CELF4: variants seen among roughly 807,000 people sequenced by gnomAD.
The protein encoded by CELF4 is CUG-BP- and ETR-3-like factor 4.
Under a neutral mutation model 59.9 loss-of-function variants are expected in CELF4, and 18 were observed. That is an observed-to-expected ratio of 0.30 (90% CI 0.21 to 0.45). The LOEUF (loss-of-function observed/expected upper bound fraction) is 0.45. Among genes scored for constraint, CELF4 ranks in the 20% least tolerant of loss-of-function variants. The pLI, the probability that CELF4 is intolerant of heterozygous loss-of-function variation, is 1.00. For synonymous variants in CELF4, 261 were observed against 267.1 expected, an observed-to-expected ratio of 0.98 and a Z score of 0.22; for missense variants, 456 against 689.0, an observed-to-expected ratio of 0.66 and a Z score of 3.79.
chr18:37,471,971 G>A (rs1336422273), intron 2 of CELF4, among the ~76,000 whole-genome samples: 2 of 152,214 alleles, frequency 1.3e-5, no homozygotes, highest in East Asian at 3.9e-4. Context: ...TAATCCATGA[G>A]GGTGTCCAGG....
intron 2 of CELF4, among the ~76,000 whole-genome samples, chr18:37,335,896 C>A (rs1169224437): frequency 6.6e-6 from 1 of 152,216 alleles, no homozygotes; most frequent in Non-Finnish European, 1.5e-5. Flanking sequence ...AGGCCTGACA[C>A]CCGCAGCCTG....
chr18:37,468,830 AACTC>A (rs2099814767), intron 2 of CELF4, among the ~76,000 whole-genome samples: 1 of 152,092 alleles, frequency 6.6e-6, no homozygotes, highest in African/African-American at 2.4e-5. Flanking sequence ...ATCTTGTGAG[AACTC>A]ACTCACTATC....
At chr18:37,532,283 A>G (rs1169232154) in intron 1 of CELF4, among the ~76,000 whole-genome samples, 3 of 152,224 alleles carry the variant, frequency 2.0e-5, no homozygotes, top group Admixed American at 2.0e-4. Context: ...TCTTCTGAAC[A>G]TCCCGGCACT....
intron 2 of CELF4, among the ~76,000 whole-genome samples, chr18:37,446,860 T>A (rs1298024582): frequency 1.3e-5 from 2 of 152,120 alleles, no homozygotes; most frequent in African/African-American, 2.4e-5. Flanking sequence ...TACTGGTCAT[T>A]TTCTGTGTGC....
At chr18:37,419,666 G>A (rs768029790) in intron 2 of CELF4, among the ~76,000 whole-genome samples, 11 of 152,210 alleles carry the variant, frequency 7.2e-5, no homozygotes, top group Non-Finnish European at 1.2e-4. Flanking sequence ...CTGAGAGGGT[G>A]GAGAGAGCTT....
intron 1 of CELF4, among the ~76,000 whole-genome samples, chr18:37,547,160 G>GTGTGTGTGT (rs61235122): frequency 2.8e-5 from 4 of 144,170 alleles, no homozygotes; most frequent in African/African-American, 1.0e-4. Flanking sequence ...GTGTGTGTGT[G>GTGTGTGTGT]GTGTGTGTGT....
chr18:37,483,889 A>G (rs1413372952), intron 2 of CELF4, among the ~76,000 whole-genome samples: 1 of 152,220 alleles, frequency 6.6e-6, no homozygotes, highest in Non-Finnish European at 1.5e-5. Context: ...TTATTAAAGA[A>G]CTAATACACT....
At chr18:37,518,525 A>G (rs2099953522) in intron 1 of CELF4, among the ~76,000 whole-genome samples, 1 of 152,048 alleles carries the variant, frequency 6.6e-6, no homozygotes, top group Admixed American at 6.6e-5. Flanking sequence ...GGCAAGGGGG[A>G]ACAGAGAATC....
Position 37,266,546 on chromosome 18 carries a change from C to T in CELF4, c.1152G>A (p.Gln384=). The T allele has an allele frequency of 6.3e-7, 1 of 1,595,684 alleles. No individual in the cohort carries two copies. The highest frequency in any genetic ancestry group is 8.5e-7 in the Non-Finnish European group (1 of 1,172,634). Residue 384 remains glutamine (Q), a synonymous_variant, in exon 9 of 13, where the codon CAG becomes CAA. Transcript: ENST00000420428. Reference sequence around the variant, plus strand: ...GTGGATACTAACGACCTGCATACTGCTGCACTCCGGCGTAGGCCTGCTGCA... The same window carrying T: ...GTGGATACTAACGACCTGCATACTGTTGCACTCCGGCGTAGGCCTGCTGCA... ...DPLQQAYAGV[Q]QYAGPAAYPA...
At chr18:37,277,477 G>T (rs1015766579) in intron 3 of CELF4, among the ~76,000 whole-genome samples, 2 of 152,226 alleles carry the variant, frequency 1.3e-5, no homozygotes, top group Admixed American at 6.5e-5. Context: ...GAGAGAGGGA[G>T]GGTGGAAGAG....
chr18:37,334,429 C>T (rs897386742), intron 2 of CELF4, among the ~76,000 whole-genome samples: 2 of 152,168 alleles, frequency 1.3e-5, no homozygotes, highest in Admixed American at 6.5e-5. Context: ...CTGGGCCTGG[C>T]GAGGGGATCT....
At chr18:37,373,678 C>G (rs1569568004) in intron 2 of CELF4, among the ~76,000 whole-genome samples, 1 of 152,200 alleles carries the variant, frequency 6.6e-6, no homozygotes, top group Non-Finnish European at 1.5e-5. Flanking sequence ...GGCTCTGTCC[C>G]AAAACCTCCC....
At chr18:37,349,322 G>T (rs993622550) in intron 2 of CELF4, among the ~76,000 whole-genome samples, 9 of 152,178 alleles carry the variant, frequency 5.9e-5, no homozygotes, top group Non-Finnish European at 1.2e-4. Context: ...GGACACGTTG[G>T]GGGGAGAAAC....
chr18:37,440,129 C>G (rs990107743), intron 2 of CELF4, among the ~76,000 whole-genome samples: 1 of 152,166 alleles, frequency 6.6e-6, no homozygotes, highest in Non-Finnish European at 1.5e-5. Context: ...TGTATTAATG[C>G]AGGGACCTGG....
chr18:37,358,819 G>A (rs1035792942), intron 2 of CELF4, among the ~76,000 whole-genome samples: 2 of 5,982 alleles, frequency 3.3e-4, no homozygotes, highest in African/African-American at 1.7e-3. Flanking sequence ...GACCTGTCAA[G>A]AGGCTGGGCA....
chr18:37,286,219 C>A (rs1302817577), intron 3 of CELF4, among the ~76,000 whole-genome samples: 2 of 152,148 alleles, frequency 1.3e-5, no homozygotes, highest in Admixed American at 6.5e-5. Context: ...GAATCTACTC[C>A]AGGTGGCCAC....
chr18:37,470,875 T>TGACAGAGA (rs2099819653), intron 2 of CELF4, among the ~76,000 whole-genome samples: 16 of 102,114 alleles, frequency 1.6e-4, no homozygotes, highest in Non-Finnish European at 1.0e-4. Flanking sequence ...TGTGTGTGTG[T>TGACAGAGA]GTGTGTGTGT....
At chr18:37,337,886 T>C (rs1223512841) in intron 2 of CELF4, among the ~76,000 whole-genome samples, 4 of 152,198 alleles carry the variant, frequency 2.6e-5, no homozygotes, top group African/African-American at 7.2e-5. Flanking sequence ...TTATCTCCAG[T>C]TCTCCCTGAA....
intron 3 of CELF4, among the ~76,000 whole-genome samples, chr18:37,318,158 A>G (rs2096933262): frequency 1.3e-5 from 2 of 152,018 alleles, no homozygotes; most frequent in Non-Finnish European, 2.9e-5. Flanking sequence ...AACCTGGTTC[A>G]CTGCTGAGCC....
Sources: allele counts gnomAD v4.1 joint callset (sites outside exome capture counted in the v4.1 genomes callset), GRCh38; gene constraint gnomAD v4.1.1; transcripts MANE v1.5; gene names NCBI Gene and HGNC (gene_info 2026-07-23, HGNC 2026-07-21).